Variants in SCAMP4 observed in about 807,000 individuals in gnomAD.
The protein encoded by SCAMP4 is secretory carrier-associated membrane protein 4.
A neutral mutation model predicts 32.1 loss-of-function variants in SCAMP4; 19 were observed. The ratio of observed to expected loss-of-function variants is 0.59; its 90% CI spans 0.41 to 0.87. The LOEUF (loss-of-function observed/expected upper bound fraction) is 0.87, where lower values mean the gene tolerates loss of function less well. Among genes scored for constraint, SCAMP4 ranks in the 40% least tolerant of loss-of-function variants. The pLI is 0.00. For synonymous variants in SCAMP4, 152 were observed against 132.7 expected, an observed-to-expected ratio of 1.15 and a Z score of -1.00; for missense variants, 302 against 309.0, an observed-to-expected ratio of 0.98 and a Z score of 0.17.
In SCAMP4 at chr19:1,908,644, G is replaced by A. The variant is rs939483952; in HGVS notation, c.-42+3205G>A. ...TAACTGTGAGCACACAGGTAGTAAG[G>A]TTTTTAGGATTTTATTATTATTTAT... On this transcript the variant is annotated intron_variant, in intron 1 of 6. Transcript: ENST00000316097. The surrounding 1 kb of genome is among the most constrained non-coding windows in gnomAD (Gnocchi z 4.2). 1.8e-5 allele frequency: 8 copies of A among 452,430 alleles called. No individual in the cohort carries two copies. Among genetic ancestry groups the A allele is most frequent in the African/African-American group, 1.2e-4 (6 of 49,012 alleles). 28.0% of individuals were successfully genotyped at this position (452,430 alleles called of 1,614,324 possible). A position where few individuals can be genotyped will look rare whatever the true frequency, so the allele number is the denominator to read the frequency against.
intron 1 of SCAMP4, among the ~76,000 whole-genome samples, chr19:1,913,954 A>C (rs1190908205): frequency 6.6e-6 from 1 of 152,086 alleles, no homozygotes. Context: ...GAGCTCATGC[A>C]GTGGACAGAA....
chr19:1,924,221 AGGCAACAGCCTGCCCGAG>A lies in SCAMP4; in HGVS notation c.628_645del (p.Gly210_Glu215del), dbSNP rs1320188982. The A allele has an allele frequency of 6.2e-7, 1 of 1,607,760 alleles. No individual in the cohort carries two copies. Among genetic ancestry groups the A allele is most frequent in the African/African-American group, 1.3e-5 (1 of 74,796 alleles). On this transcript the variant is annotated inframe_deletion, in exon 7 of 7. Coordinates refer to ENST00000316097, the MANE Select transcript of SCAMP4 (RefSeq NM_079834.4). Reference sequence around the variant, plus strand: ...GGGAGGCCCAGTACAACAACTTCTCAGGCAACAGCCTGCCCGAGTACCCCACTGTGCCCAGCTACCCGG... The same window carrying A: ...GGGAGGCCCAGTACAACAACTTCTCATACCCCACTGTGCCCAGCTACCCGG...
chr19:1,919,566 A>T (rs576346048), intron 5 of SCAMP4: 84 of 538,198 alleles, frequency 1.6e-4, no homozygotes, highest in Non-Finnish European at 1.9e-4. Flanking sequence ...GTGCAATCTC[A>T]GCTCACTGCA....
intron 1 of SCAMP4, among the ~76,000 whole-genome samples, chr19:1,913,927 T>G (rs948374662): frequency 3.3e-5 from 5 of 152,062 alleles, no homozygotes; most frequent in South Asian, 2.1e-4. Flanking sequence ...ATCCGGCAGG[T>G]GGGGGCTCTG....
intron 1 of SCAMP4, chr19:1,913,094 C>T: frequency 1.3e-6 from 2 of 1,599,086 alleles, no homozygotes; most frequent in Admixed American, 1.7e-5. Context: ...ACCACCGCTT[C>T]CAGGTGTTCC....
chr19:1,918,758 T>G, intron 4 of SCAMP4, 131 bp from the exon 5 acceptor site: 1 of 1,227,896 alleles, frequency 8.1e-7, no homozygotes, highest in East Asian at 2.7e-5. Context: ...TGAGACTCCA[T>G]CTCAAAAAAA....
chr19:1,923,615 CTTTTTTT>C (rs35226425), intron 6 of SCAMP4, among the ~76,000 whole-genome samples: 1 of 86,466 alleles, frequency 1.2e-5, no homozygotes, highest in Admixed American at 1.7e-4. Flanking sequence ...CAGCAAAATG[CTTTTTTT>C]TTTTTTTTTT....
rs993856545 is a variant in SCAMP4, at chr19:1,921,774, A to G, written c.396-1296A>G. On this transcript the variant is annotated intron_variant, in intron 5 of 6. Transcript: ENST00000316097. ...AGGAGAATCACTGCTTGAGGCCAGG[A>G]GTTCAGACTGGCCTGGGCAACATAG... is the stretch of plus-strand genomic sequence containing the variant. 5 of 983,046 alleles carry G rather than the reference A, an allele frequency of 5.1e-6. No individual in the cohort carries two copies. The African/African-American group carries it at 8.8e-5, about 17-fold the overall frequency. 60.9% of individuals were successfully genotyped at this position (983,046 alleles called of 1,614,324 possible).
chr19:1,910,573 G>GTTT, intron 1 of SCAMP4, among the ~76,000 whole-genome samples: 2 of 126,822 alleles, frequency 1.6e-5, no homozygotes, highest in Non-Finnish European at 3.2e-5. Flanking sequence ...TTTTTGAGGT[G>GTTT]TCTTTTTTTT....
At chr19:1,920,764 C>A in intron 5 of SCAMP4, 5 of 985,570 alleles carry the variant, frequency 5.1e-6, no homozygotes, top group Non-Finnish European at 6.0e-6. Context: ...CTGTGAGCCG[C>A]CTCCCCGGTG....
intron 1 of SCAMP4, chr19:1,912,801 C>T (rs763932582): frequency 1.1e-5 from 17 of 1,577,580 alleles, no homozygotes; most frequent in Non-Finnish European, 1.4e-5. Flanking sequence ...GGCGCGCGGC[C>T]AGGGCCGCGG....
At position 1,925,774 on chromosome 19, in the gene SCAMP4, G is replaced by C. The variant is rs983267197; in HGVS notation, c.*1490G>C. ...ATGGTGTCTCGATGGACGGCAGCCAGGATGGAGCACCCATGGGTCTCACGG... is the reference window on the plus strand; with the variant it reads ...ATGGTGTCTCGATGGACGGCAGCCACGATGGAGCACCCATGGGTCTCACGG... On this transcript the variant is annotated 3_prime_UTR_variant, in exon 7 of 7. Coordinates refer to ENST00000316097, the MANE Select transcript of SCAMP4 (RefSeq NM_079834.4). The C allele has an allele frequency of 6.6e-6, 1 of 152,646 alleles. No individual in the cohort carries two copies. Among genetic ancestry groups the C allele is most frequent in the African/African-American group, 2.4e-5 (1 of 41,428 alleles). 9.5% of individuals were successfully genotyped at this position (152,646 alleles called of 1,614,324 possible).
chr19:1,912,837 G>A (rs760364157), intron 1 of SCAMP4: 3 of 1,592,706 alleles, frequency 1.9e-6, no homozygotes, highest in African/African-American at 1.3e-5. Context: ...ACCCTTCCCC[G>A]CCTGCTCCTT....
In SCAMP4 at chr19:1,912,321, A is replaced by C. The variant is rs933590538; in HGVS notation, c.-41-2658A>C. ...CCCGCTCCCCGCCCAGCCTCACCTC[A>C]AGCGGGTGCGGCCCAGCCGCGATGC... is the stretch of plus-strand genomic sequence containing the variant. On this transcript the variant is annotated intron_variant, in intron 1 of 6. Coordinates refer to ENST00000316097, the MANE Select transcript of SCAMP4 (RefSeq NM_079834.4). 22 of 1,545,126 alleles carry C rather than the reference A, an allele frequency of 1.4e-5. No individual in the cohort carries two copies. The highest frequency in any genetic ancestry group is 1.4e-5 in the Non-Finnish European group (16 of 1,153,102).
rs1259985776 is a variant in SCAMP4, at chr19:1,918,149, C to CA, written c.161dup (p.Asn54LysfsTer51). The CA allele has an allele frequency of 6.2e-7, 1 of 1,612,664 alleles. No individual in the cohort carries two copies. The highest frequency in any genetic ancestry group is 8.5e-7 in the Non-Finnish European group (1 of 1,179,662). Reference sequence around the variant, plus strand: ...CAGTTTACTGCGCCACCCTCGGCGTCAACCTCATTGCCTGCCTGGCCTGGT... The same window carrying CA: ...CAGTTTACTGCGCCACCCTCGGCGTCAAACCTCATTGCCTGCCTGGCCTGGT... On this transcript the variant is annotated frameshift_variant, in exon 4 of 7. Transcript: ENST00000316097. LOFTEE classifies it high-confidence loss of function.
In SCAMP4 at chr19:1,919,935, G is replaced by A. The variant is rs544727212; in HGVS notation, c.395+945G>A. Among the ~76,000 whole-genome samples, 16 of 151,224 alleles carry A rather than the reference G, an allele frequency of 1.1e-4. No homozygotes were observed. In the East Asian group the frequency reaches 2.4e-3, roughly 22 times the overall value. Reference sequence around the variant, plus strand: ...AGCGATTCTCCTGCCTCAGCCTCCCGAGTAGCTGGGACTACAGGTGTGTGC... The same window carrying A: ...AGCGATTCTCCTGCCTCAGCCTCCCAAGTAGCTGGGACTACAGGTGTGTGC... On this transcript the variant is annotated intron_variant, in intron 5 of 6. Coordinates refer to ENST00000316097, the MANE Select transcript of SCAMP4 (RefSeq NM_079834.4).
intron 5 of SCAMP4, chr19:1,922,032 A>G (rs2013936390): frequency 1.0e-6 from 1 of 985,426 alleles, no homozygotes; most frequent in Non-Finnish European, 1.2e-6. Context: ...TGCACCAGGG[A>G]GGGGAGTCAG....
At chr19:1,915,909 C>T (rs1055667897) in intron 2 of SCAMP4, among the ~76,000 whole-genome samples, 3 of 142,872 alleles carry the variant, frequency 2.1e-5, no homozygotes, top group Non-Finnish European at 4.5e-5. Flanking sequence ...CGGGCCACTG[C>T]ACTCCAGCCT....
chr19:1,922,992 G>T (rs891115666), intron 5 of SCAMP4, 78 bp from the exon 6 acceptor site: 1 of 1,434,828 alleles, frequency 7.0e-7, no homozygotes, highest in African/African-American at 1.4e-5. Flanking sequence ...CTCTTTACAT[G>T]GGGAGGACCA....
Sources: gnomAD v4.1 joint callset for allele counts (sites outside exome capture counted in the v4.1 genomes callset) on GRCh38, gnomAD v4.1.1 for gene constraint, Gnocchi (gnomAD v3.1) non-coding constraint, MANE v1.5 for transcripts, NCBI Gene and HGNC (gene_info 2026-07-23, HGNC 2026-07-21) for gene names.